CPVL: variants seen among roughly 807,000 people sequenced by gnomAD.
CPVL encodes carboxypeptidase vitellogenic like, also known as probable serine carboxypeptidase CPVL.
In CPVL, 51 loss-of-function variants were observed where a neutral mutation model predicts 63.7. That is an observed-to-expected ratio of 0.80 (90% CI 0.64 to 1.01). The LOEUF (loss-of-function observed/expected upper bound fraction) is 1.01. CPVL is among the 50% of genes least tolerant of loss of function. CPVL has a pLI of 0.00. For synonymous variants in CPVL, 195 were observed against 206.0 expected, an observed-to-expected ratio of 0.95 and a Z score of 0.46; for missense variants, 530 against 573.1, an observed-to-expected ratio of 0.92 and a Z score of 0.77.
chr7:29,182,527 G>T (rs1798192202), intron 4 of CPVL, among the ~76,000 whole-genome samples: 1 of 152,176 alleles, frequency 6.6e-6, no homozygotes, highest in Admixed American at 6.5e-5. Context: ...AGTTTAGTCT[G>T]TATTACCCAC....
intron 6 of CPVL, among the ~76,000 whole-genome samples, chr7:29,089,860 CTT>C (rs112115146): frequency 2.0e-4 from 29 of 143,004 alleles, no homozygotes; most frequent in African/African-American, 4.1e-4. Flanking sequence ...CCATTGAATT[CTT>C]TTTTTTTTTT....
intron 5 of CPVL, among the ~76,000 whole-genome samples, chr7:29,166,879 A>G (rs1795991408): frequency 6.6e-6 from 1 of 152,088 alleles, no homozygotes; most frequent in South Asian, 2.1e-4. Context: ...AAACATATTT[A>G]TAATAGTTCT....
At chr7:29,181,847 C>G (rs1798094569) in intron 4 of CPVL, among the ~76,000 whole-genome samples, 1 of 152,008 alleles carries the variant, frequency 6.6e-6, no homozygotes, top group African/African-American at 2.4e-5. Context: ...GGCTGCTAAA[C>G]TGCTAATTCC....
At chr7:29,161,646 T>G (rs573995552) in intron 5 of CPVL, among the ~76,000 whole-genome samples, 1 of 152,334 alleles carries the variant, frequency 6.6e-6, no homozygotes, top group Admixed American at 6.5e-5. Flanking sequence ...GCCTTTTCAC[T>G]GAATTTTTAA....
intron 5 of CPVL, among the ~76,000 whole-genome samples, chr7:29,179,292 C>T (rs1216841271): frequency 6.6e-6 from 1 of 152,200 alleles, no homozygotes; most frequent in Non-Finnish European, 1.5e-5. Context: ...CCCCATCCCA[C>T]GCCAAGTCAT....
intron 3 of CPVL, among the ~76,000 whole-genome samples, chr7:29,100,597 C>T (rs12670165): frequency 0.15 from 22,637 of 152,164 alleles, 2,170 homozygotes; most frequent in East Asian, 0.37. Context: ...AATAGCCTGA[C>T]CCTGAGAGCC....
In CPVL at chr7:29,028,628, C is replaced by T. The variant is rs574183652; in HGVS notation, c.1320+1949G>A. Among the ~76,000 whole-genome samples, 4 of 152,224 alleles carry T rather than the reference C, an allele frequency of 2.6e-5. No individual in the cohort carries two copies. The South Asian group carries it at 8.3e-4, about 32-fold the overall frequency. On this transcript the variant is annotated intron_variant, in intron 12 of 12. Transcript: ENST00000265394. Reference sequence around the variant, plus strand: ...ACTAATATCCAGAATATACAAGCAACTCAAGCAACTGAAGAGCACAAACCA... The same window carrying T: ...ACTAATATCCAGAATATACAAGCAATTCAAGCAACTGAAGAGCACAAACCA...
At chr7:29,076,280 C>A (rs1215398175) in intron 7 of CPVL, among the ~76,000 whole-genome samples, 1 of 152,126 alleles carries the variant, frequency 6.6e-6, no homozygotes, top group Admixed American at 6.6e-5. Flanking sequence ...AACCAGAACT[C>A]TTGGTCCCGT....
At chr7:29,100,310 A>G (rs1375519081) in intron 3 of CPVL, among the ~76,000 whole-genome samples, 1 of 152,234 alleles carries the variant, frequency 6.6e-6, no homozygotes, top group African/African-American at 2.4e-5. Context: ...TTTGGAGAGT[A>G]GTATTTTTAT....
chr7:29,099,060 C>T (rs1254651411), intron 3 of CPVL, among the ~76,000 whole-genome samples: 2 of 151,424 alleles, frequency 1.3e-5, no homozygotes, highest in East Asian at 1.9e-4. Context: ...AGTGAAACTC[C>T]GTCTCAAAAA....
At chr7:29,099,543 C>A (rs56382581) in intron 3 of CPVL, among the ~76,000 whole-genome samples, 1,614 of 152,224 alleles carry the variant, frequency 0.011, 26 homozygotes, top group African/African-American at 0.036. Flanking sequence ...GAAACCGCAT[C>A]TCTACTAAAA....
At chr7:29,057,611 T>C (rs1790870925) in intron 11 of CPVL, among the ~76,000 whole-genome samples, 1 of 152,222 alleles carries the variant, frequency 6.6e-6, no homozygotes, top group African/African-American at 2.4e-5. Context: ...AGTTAATGCC[T>C]ACAAGTGTTA....
intron 12 of CPVL, among the ~76,000 whole-genome samples, chr7:28,999,698 A>AT (rs1423895494): frequency 6.6e-6 from 1 of 152,192 alleles, no homozygotes; most frequent in Non-Finnish European, 1.5e-5. Context: ...CTGAGCTGCC[A>AT]TGTGTAATGA....
rs528215669 is a variant in CPVL at position 29,052,822 on chromosome 7, T to C, written c.1137+11239A>G. 1.6e-3 allele frequency among the ~76,000 whole-genome samples: 240 copies of C among 152,230 alleles called. 1 individual carries two copies. The highest frequency in any genetic ancestry group is 5.3e-3 in the African/African-American group (221 of 41,518). ...TATTCAGGAGGCTGAGGCAGGAGAATTGCTTGAACCCGGGAGGTGGAGGTT... is the reference window on the plus strand; with the variant it reads ...TATTCAGGAGGCTGAGGCAGGAGAACTGCTTGAACCCGGGAGGTGGAGGTT... On this transcript the variant is annotated intron_variant, in intron 11 of 12. Coordinates refer to ENST00000265394, the MANE Select transcript of CPVL (RefSeq NM_031311.5).
chr7:29,042,441 A>G (rs1435843288), intron 11 of CPVL, among the ~76,000 whole-genome samples: 1 of 152,012 alleles, frequency 6.6e-6, no homozygotes. Flanking sequence ...TCTCTCTACA[A>G]AAAAGTTAAA....
At chr7:29,030,243 T>G (rs1187437408) in intron 12 of CPVL, among the ~76,000 whole-genome samples, 1 of 152,234 alleles carries the variant, frequency 6.6e-6, no homozygotes, top group Non-Finnish European at 1.5e-5. Context: ...GGAGATTGTG[T>G]TGAAACTTCC....
chr7:29,100,326 T>C (rs1786985108), intron 3 of CPVL, among the ~76,000 whole-genome samples: 1 of 152,208 alleles, frequency 6.6e-6, no homozygotes, highest in Non-Finnish European at 1.5e-5. Flanking sequence ...TTTATACTAC[T>C]GCCTAGGCCC....
At chr7:29,176,788 A>G (rs1475843908) in intron 5 of CPVL, among the ~76,000 whole-genome samples, 1 of 152,228 alleles carries the variant, frequency 6.6e-6, no homozygotes, top group Non-Finnish European at 1.5e-5. Flanking sequence ...GAGCTGAAAT[A>G]CTAGAAGGAA....
chr7:29,073,639 T>C (rs1440319941), intron 7 of CPVL, among the ~76,000 whole-genome samples: 2 of 152,190 alleles, frequency 1.3e-5, no homozygotes, highest in Non-Finnish European at 2.9e-5. Flanking sequence ...GGCCCCCATA[T>C]GGCAAATTCC....
Sources: allele counts gnomAD v4.1 joint callset (sites outside exome capture counted in the v4.1 genomes callset), GRCh38; gene constraint gnomAD v4.1.1; transcripts MANE v1.5; gene names NCBI Gene and HGNC (gene_info 2026-07-23, HGNC 2026-07-21).